Variants in ABL1 observed in about 807,000 individuals in gnomAD.
ABL1 encodes the protein ABL proto-oncogene 1, non-receptor tyrosine kinase.
Under a neutral mutation model 94.7 loss-of-function variants are expected in ABL1, and 11 were observed. That is an observed-to-expected ratio of 0.12 (90% CI 0.07 to 0.19). The LOEUF (loss-of-function observed/expected upper bound fraction) is 0.19, where lower values mean the gene tolerates loss of function less well. ABL1 is among the 10% of genes least tolerant of loss of function. The probability of loss-of-function intolerance (pLI) is 1.00; values close to 1 mark genes in which losing one functional copy is unlikely to be tolerated. For missense variants in ABL1, 1,082 were observed against 1,489.4 expected, an observed-to-expected ratio of 0.73 and a Z score of 4.50; for synonymous variants, 656 against 622.4, an observed-to-expected ratio of 1.05 and a Z score of -0.80.
intron 1 of ABL1, among the ~76,000 whole-genome samples, chr9:130,728,591 C>A (rs974546316): frequency 6.6e-6 from 1 of 151,076 alleles, no homozygotes; most frequent in East Asian, 2.0e-4. Context: ...GGAGTTTCAC[C>A]GTGTTAGCCA....
At chr9:130,746,705 T>C (rs2132720454) in intron 1 of ABL1, among the ~76,000 whole-genome samples, 1 of 152,154 alleles carries the variant, frequency 6.6e-6, no homozygotes, top group African/African-American at 2.4e-5. Context: ...GGGTTGTTGC[T>C]TGGTGGGGCA....
upstream of ABL1, chr9:130,833,944 G>A (rs1830525133): frequency 6.8e-6 from 3 of 441,282 alleles, no homozygotes; most frequent in South Asian, 3.1e-5. Flanking sequence ...TTTGACCAAA[G>A]ATATCCAATG....
At chr9:130,877,488 G>A (rs756463174) in intron 7 of ABL1, among the ~76,000 whole-genome samples, 17 of 147,872 alleles carry the variant, frequency 1.1e-4, no homozygotes, top group Non-Finnish European at 2.2e-4. Context: ...AACATGGCCA[G>A]CTGACTTCCG....
chr9:130,789,007 T>G (rs1829867602), intron 1 of ABL1, among the ~76,000 whole-genome samples: 1 of 152,210 alleles, frequency 6.6e-6, no homozygotes. Context: ...CCTTAACTTT[T>G]TCTCCCTGTG....
intron 1 of ABL1, among the ~76,000 whole-genome samples, chr9:130,740,819 A>ATTTTTTTTTTT (rs34323373): frequency 1.0e-5 from 1 of 97,812 alleles, no homozygotes. Context: ...CCACACCCAG[A>ATTTTTTTTTTT]TTTTTTTTTT....
intron 1 of ABL1, among the ~76,000 whole-genome samples, chr9:130,808,214 TTTC>T (rs372530078): frequency 0.015 from 2,138 of 142,910 alleles, 38 homozygotes; most frequent in African/African-American, 0.035. Flanking sequence ...CCTAATTTCT[TTTC>T]TTCTTCTTCT....
At chr9:130,868,447 T>C (rs1057146066) in intron 4 of ABL1, among the ~76,000 whole-genome samples, 3 of 152,106 alleles carry the variant, frequency 2.0e-5, no homozygotes, top group Admixed American at 6.5e-5. Context: ...AGGGGGTCCC[T>C]GCTGAGAGCG....
intron 1 of ABL1, among the ~76,000 whole-genome samples, chr9:130,808,510 C>T (rs1471711041): frequency 6.6e-6 from 1 of 152,158 alleles, no homozygotes; most frequent in Non-Finnish European, 1.5e-5. Context: ...TCCCAAAGTG[C>T]TGGGATTACA....
chr9:130,861,007 T>C (rs1159315959), intron 3 of ABL1, among the ~76,000 whole-genome samples: 2 of 152,312 alleles, frequency 1.3e-5, no homozygotes, highest in African/African-American at 4.8e-5. Context: ...GACACATTCC[T>C]GTGTGCACGT....
In ABL1 at chr9:130,887,237, C is replaced by T. The variant is rs1265209654; in HGVS notation, c.*1554C>T. 1 of 233,004 alleles carries T rather than the reference C, an allele frequency of 4.3e-6. No individual in the cohort carries two copies. The highest frequency in any genetic ancestry group is 2.2e-5 in the African/African-American group (1 of 45,320). 14.4% of individuals were successfully genotyped at this position (233,004 alleles called of 1,614,324 possible). ...TTTACGCTCATCACCTAAACTTGTA[C>T]TTTATTTTTCTGATAGAAATGGTTT... On this transcript the variant is annotated 3_prime_UTR_variant, in exon 11 of 11. Transcript: ENST00000318560.
chr9:130,713,136 C>T (rs993037397), exon 1 of ABL1, among the ~76,000 whole-genome samples: 3 of 152,198 alleles, frequency 2.0e-5, no homozygotes, highest in African/African-American at 7.2e-5. Flanking sequence ...GGAGCCCCTC[C>T]GCTGTCCACG....
chr9:130,871,394 C>T (rs778330135), intron 4 of ABL1, among the ~76,000 whole-genome samples: 4 of 152,190 alleles, frequency 2.6e-5, no homozygotes, highest in Non-Finnish European at 2.9e-5. Flanking sequence ...CTGTCTGTCC[C>T]GGGCCCATGC....
At chr9:130,749,842 T>G (rs1831933377) in intron 1 of ABL1, among the ~76,000 whole-genome samples, 1 of 152,132 alleles carries the variant, frequency 6.6e-6, no homozygotes, top group African/African-American at 2.4e-5. Context: ...CTCCATTCCA[T>G]TGCTAATGCT....
Position 130,884,959 on chromosome 9 carries a change from G to T in ABL1, c.2669G>T (p.Gly890Val). Residue 890 changes from glycine (G) to valine (V), a missense_variant, in exon 11 of 11, where the codon GGG becomes GTG. Around this residue, in one of 7 missense-constraint regions of ABL1, gnomAD observed 780 missense variants for 835.8 expected, o/e 0.93. Coordinates refer to ENST00000318560, the MANE Select transcript of ABL1 (RefSeq NM_005157.6). The surrounding 1 kb of genome is among the most constrained non-coding windows in gnomAD (Gnocchi z 5.6). ...TCTGAGTCGCCAGGGAGGGACAAGG[G>T]GAAATTGTCCAGGCTCAAACCTGCC... is the stretch of plus-strand genomic sequence containing the variant. ...HSSESPGRDK[G>V]KLSRLKPAPP... 1 of 1,611,514 alleles carries T rather than the reference G, an allele frequency of 6.2e-7. No homozygotes were observed. The highest frequency in any genetic ancestry group is 8.5e-7 in the Non-Finnish European group (1 of 1,179,624).
Position 130,886,895 on chromosome 9 carries a change from A to G in ABL1, c.*1212A>G. The stretch of plus-strand genomic sequence containing the variant: ...CTTGAACTGGGCGAATGTCTTATTT[A>G]ATTACCGTGAGTGACATAGCCTCAT... On this transcript the variant is annotated 3_prime_UTR_variant, in exon 11 of 11. Coordinates refer to ENST00000318560, the MANE Select transcript of ABL1 (RefSeq NM_005157.6). The G allele has an allele frequency of 4.3e-6, 1 of 233,062 alleles. No individual in the cohort carries two copies. The highest frequency in any genetic ancestry group is 8.5e-6 in the Non-Finnish European group (1 of 117,810). The allele number at this position is 233,062 out of a possible 1,614,324, so 14.4% of individuals were successfully genotyped here.
At chr9:130,818,787 C>T (rs78097094) in intron 1 of ABL1, among the ~76,000 whole-genome samples, 5,394 of 152,252 alleles carry the variant, frequency 0.035, 304 homozygotes, top group African/African-American at 0.12. Flanking sequence ...ATTCAGCATG[C>T]ATGTATGGGT....
At chr9:130,843,393 C>G (rs1236607577) in intron 1 of ABL1, among the ~76,000 whole-genome samples, 1 of 152,206 alleles carries the variant, frequency 6.6e-6, no homozygotes, top group Non-Finnish European at 1.5e-5. Context: ...ATTCATTGAG[C>G]CCTCCCGACA....
At chr9:130,791,473 C>G (rs1274338930) in intron 1 of ABL1, among the ~76,000 whole-genome samples, 1 of 152,088 alleles carries the variant, frequency 6.6e-6, no homozygotes, top group African/African-American at 2.4e-5. Context: ...AGGAAACTGA[C>G]ATTTGAGCTG....
Position 130,727,693 on chromosome 9 carries a change from T to C in ABL1, c.136+13238T>C, listed in dbSNP as rs553128066. Among the ~76,000 whole-genome samples the C allele has an allele frequency of 2.7e-5, 4 of 149,534 alleles. No individual in the cohort carries two copies. In the South Asian group the frequency reaches 8.5e-4, roughly 32 times the overall value. ...ATCCCTTGAACCCGGGGTACAGAGG[T>C]TGCAGTGAGCCGAGATCGCGCCATT... is the stretch of plus-strand genomic sequence containing the variant. On this transcript the variant is annotated intron_variant, in intron 1 of 10. Transcript: ENST00000372348.
Sources: gnomAD v4.1 joint callset for allele counts (sites outside exome capture counted in the v4.1 genomes callset) on GRCh38, gnomAD v4.1.1 for gene constraint, gnomAD v4.1.1 regional missense constraint, Gnocchi (gnomAD v3.1) non-coding constraint, MANE v1.5 for transcripts, NCBI Gene and HGNC (gene_info 2026-07-23, HGNC 2026-07-21) for gene names.